The following TBC1D19 variants were observed in gnomAD, a reference collection of about 807,000 sequenced individuals.
The protein encoded by TBC1D19 is TBC1 domain family, member 19.
Under a neutral mutation model 89.0 loss-of-function variants are expected in TBC1D19, and 60 were observed. That is an observed-to-expected ratio of 0.67 (90% CI 0.55 to 0.84). The LOEUF is 0.84. Ranked by LOEUF, TBC1D19 falls within the 40% of genes least tolerant of loss-of-function variation. The probability of loss-of-function intolerance (pLI) is 0.00; values close to 1 mark genes in which losing one functional copy is unlikely to be tolerated. For missense variants in TBC1D19, 500 were observed against 610.8 expected, an observed-to-expected ratio of 0.82 and a Z score of 1.91; for synonymous variants, 189 against 199.7, an observed-to-expected ratio of 0.95 and a Z score of 0.45.
chr4:26,842,509 C>A, the TBC1D19 span, among the ~76,000 whole-genome samples: 1 of 149,798 alleles, frequency 6.7e-6, no homozygotes, highest in Non-Finnish European at 1.5e-5. Flanking sequence ...GGCTTTCCTT[C>A]TCCTTCCTTC....
At chr4:26,777,561 C>G in the TBC1D19 span, among the ~76,000 whole-genome samples, 1 of 152,136 alleles carries the variant, frequency 6.6e-6, no homozygotes, top group Non-Finnish European at 1.5e-5. Flanking sequence ...GCTTCAGCCT[C>G]CAGAGTAGCT....
At chr4:26,822,951 G>A in the TBC1D19 span, among the ~76,000 whole-genome samples, 1 of 152,096 alleles carries the variant, frequency 6.6e-6, no homozygotes, top group Non-Finnish European at 1.5e-5. Flanking sequence ...TCTCAATAGT[G>A]GTCCAGACCA....
At chr4:26,856,891 C>G in the TBC1D19 span, among the ~76,000 whole-genome samples, 1 of 152,180 alleles carries the variant, frequency 6.6e-6, no homozygotes, top group Non-Finnish European at 1.5e-5. Flanking sequence ...CGGGCTTTAG[C>G]GGGCAAAGTT....
At chr4:26,721,649 T>C (rs181858563) in intron 15 of TBC1D19, among the ~76,000 whole-genome samples, 1 of 152,142 alleles carries the variant, frequency 6.6e-6, no homozygotes, top group East Asian at 1.9e-4. Flanking sequence ...TCTTAATGGC[T>C]TCCCATCTCT....
chr4:26,652,588 G>C (rs1371498379), intron 7 of TBC1D19, among the ~76,000 whole-genome samples: 1 of 152,164 alleles, frequency 6.6e-6, no homozygotes, highest in Non-Finnish European at 1.5e-5. Context: ...TCCTGGTTTA[G>C]TCTTGGGAGG....
the TBC1D19 span, among the ~76,000 whole-genome samples, chr4:26,813,523 T>A: frequency 6.6e-6 from 1 of 152,206 alleles, no homozygotes; most frequent in Non-Finnish European, 1.5e-5. Context: ...TCTTAGACCC[T>A]GCTGGGGTGT....
the TBC1D19 span, among the ~76,000 whole-genome samples, chr4:26,789,964 T>C: frequency 6.6e-6 from 1 of 152,182 alleles, no homozygotes; most frequent in African/African-American, 2.4e-5. Context: ...CATGTTCTCA[T>C]TTAAAAGAGG....
At chr4:26,625,812 ATT>A (rs901253755) in intron 4 of TBC1D19, among the ~76,000 whole-genome samples, 4 of 152,124 alleles carry the variant, frequency 2.6e-5, no homozygotes, top group African/African-American at 9.7e-5. Flanking sequence ...TGCCATTTAC[ATT>A]TATCACATCA....
At chr4:26,648,828 A>ATATTCT (rs758920491) in intron 7 of TBC1D19, among the ~76,000 whole-genome samples, 36 of 152,054 alleles carry the variant, frequency 2.4e-4, no homozygotes, top group Non-Finnish European at 4.0e-4. Context: ...TGTAATTTTT[A>ATATTCT]TATTCTTATT....
At chr4:26,629,058 C>T (rs1247408309) in intron 4 of TBC1D19, among the ~76,000 whole-genome samples, 1 of 152,020 alleles carries the variant, frequency 6.6e-6, no homozygotes, top group Admixed American at 6.6e-5. Context: ...CGTTCTTCCC[C>T]AACCTGCCAT....
At chr4:26,621,369 CTG>C (rs1170149907) in intron 4 of TBC1D19, among the ~76,000 whole-genome samples, 1 of 152,144 alleles carries the variant, frequency 6.6e-6, no homozygotes, top group Non-Finnish European at 1.5e-5. Context: ...GAGTAGGACT[CTG>C]TGACTGCCAC....
At chr4:26,717,908 A>G (rs756577556) in intron 13 of TBC1D19, 25 bp from the exon 14 acceptor site, 18 of 1,572,662 alleles carry the variant, frequency 1.1e-5, no homozygotes, top group Non-Finnish European at 1.5e-5. Context: ...CTTAATTGCT[A>G]TTTTTTTTCC....
chr4:26,852,881 A>G, the TBC1D19 span, among the ~76,000 whole-genome samples: 1 of 152,136 alleles, frequency 6.6e-6, no homozygotes, highest in Non-Finnish European at 1.5e-5. Flanking sequence ...GGCCTCCCAA[A>G]GTGCTAGGAT....
chr4:26,849,631 G>A, the TBC1D19 span, among the ~76,000 whole-genome samples: 1,772 of 152,178 alleles, frequency 0.012, 30 homozygotes, highest in Middle Eastern at 0.058. Context: ...AATCTCAGAC[G>A]CCCAGCAAGT....
At chr4:26,753,993 G>A in intron 20 of TBC1D19, 103 bp downstream of exon 20, 5 of 1,262,726 alleles carry the variant, frequency 4.0e-6, no homozygotes, top group South Asian at 1.3e-5. Context: ...CTTGTAGCCA[G>A]GTTTTTTAAC....
At chr4:26,659,114 A>G (rs977166650) in intron 7 of TBC1D19, among the ~76,000 whole-genome samples, 2 of 152,106 alleles carry the variant, frequency 1.3e-5, no homozygotes, top group Non-Finnish European at 2.9e-5. Flanking sequence ...AACTTCCAAT[A>G]TTATGTTGAA....
intron 1 of TBC1D19, among the ~76,000 whole-genome samples, chr4:26,605,475 C>A (rs1740934603): frequency 6.6e-6 from 1 of 151,850 alleles, no homozygotes; most frequent in African/African-American, 2.4e-5. Flanking sequence ...TGGGTTGGTT[C>A]CAAGTCTTTG....
At chr4:26,792,754 T>G in the TBC1D19 span, among the ~76,000 whole-genome samples, 277 of 152,350 alleles carry the variant, frequency 1.8e-3, no homozygotes, top group African/African-American at 6.3e-3. Context: ...CATACTGTAT[T>G]TGTCCTATTT....
chr4:26,820,653 C>A, the TBC1D19 span, among the ~76,000 whole-genome samples: 1 of 152,172 alleles, frequency 6.6e-6, no homozygotes, highest in Non-Finnish European at 1.5e-5. Flanking sequence ...GTGCAGATAT[C>A]TCTTTGACAT....
Sources: gnomAD v4.1 joint callset for allele counts (sites outside exome capture counted in the v4.1 genomes callset) on GRCh38, gnomAD v4.1.1 for gene constraint, MANE v1.5 for transcripts, NCBI Gene and HGNC (gene_info 2026-07-23, HGNC 2026-07-21) for gene names.